Variants in HNRNPAB observed in about 807,000 individuals in gnomAD.
HNRNPAB encodes the protein heterogeneous nuclear ribonucleoprotein A/B, also known as ABBP-1.
Under a neutral mutation model 44.1 loss-of-function variants are expected in HNRNPAB, and 17 were observed. The observed-to-expected ratio is 0.39, with a 90% CI of 0.26 to 0.58. The LOEUF (loss-of-function observed/expected upper bound fraction) is 0.58, where lower values mean the gene tolerates loss of function less well. Ranked by LOEUF, HNRNPAB falls within the 20% of genes least tolerant of loss-of-function variation. The pLI is 0.63. For synonymous variants in HNRNPAB, 183 were observed against 167.6 expected (o/e 1.09, Z -0.71); for missense variants, 393 against 432.7 (o/e 0.91, Z 0.81).
rs544736115 is a variant in HNRNPAB at position 178,211,022 on chromosome 5, C to T, written c.*399C>T. 10 of 195,970 alleles carry T rather than the reference C, an allele frequency of 5.1e-5. No individual in the cohort carries two copies. The highest frequency in any genetic ancestry group is 1.5e-4 in the East Asian group (1 of 6,858). The allele number at this position is 195,970 out of a possible 1,614,324, so 12.1% of individuals were successfully genotyped here. ...TATTTGCGTCATACATTTCCTGTAA[C>T]GGAAGTGTTAATTTTACTGTACTTT... On this transcript the variant is annotated 3_prime_UTR_variant, in exon 8 of 8. Transcript: ENST00000358344.
rs1037666316 is a variant in HNRNPAB at position 178,204,569 on chromosome 5, G to A, written c.-195G>A. 3.0e-5 allele frequency: 7 copies of A among 231,314 alleles called. No homozygotes were observed. The highest frequency in any genetic ancestry group is 5.7e-5 in the Admixed American group (1 of 17,678). The allele number at this position is 231,314 out of a possible 1,614,324, so 14.3% of individuals were successfully genotyped here. A position where few individuals can be genotyped will look rare whatever the true frequency, so the allele number is the denominator to read the frequency against. On this transcript the variant is annotated 5_prime_UTR_variant, in exon 1 of 8. Transcript: ENST00000358344. ...CCGCGCGGGACGGAGCTTGGCTGTT[G>A]GTCGGTGGGTTCCCGTGCGGCGGCG...
chr5:178,206,195 A>AGAG (rs1168773632), intron 3 of HNRNPAB, among the ~76,000 whole-genome samples, 185 bp downstream of exon 3: 1 of 152,224 alleles, frequency 6.6e-6, no homozygotes, highest in African/African-American at 2.4e-5. Context: ...GCTGGGAGTG[A>AGAG]GAGAATGTGC....
At chr5:178,206,638 G>A (rs1757072500) in intron 3 of HNRNPAB, 94 bp from the exon 4 acceptor site, 1 of 1,231,008 alleles carries the variant, frequency 8.1e-7, no homozygotes, top group South Asian at 1.4e-5. Context: ...TGAAACACAT[G>A]TTTGTATCTG....
In HNRNPAB at chr5:178,206,010, G is replaced by A; in HGVS notation, c.378G>A (p.Lys126=). 6.2e-7 allele frequency: 1 copy of A among 1,612,142 alleles called. No homozygotes were observed. The highest frequency in any genetic ancestry group is 8.5e-7 in the Non-Finnish European group (1 of 1,179,084). Residue 126 remains lysine, a splice_region_variant and synonymous_variant, in exon 3 of 8, where the codon AAG becomes AAA. Coordinates refer to ENST00000358344, the MANE Select transcript of HNRNPAB (RefSeq NM_031266.3). ...ILFKDAASVE[K]VLDQKEHRLD... Reference sequence around the variant, plus strand: ...TCAAAGATGCAGCCAGTGTGGAGAAGGTAAGCTGGGTACTGGATTTCAGCA... The same window carrying A: ...TCAAAGATGCAGCCAGTGTGGAGAAAGTAAGCTGGGTACTGGATTTCAGCA...
chr5:178,209,886 G>A (rs1411356918), intron 6 of HNRNPAB, among the ~76,000 whole-genome samples: 1 of 152,152 alleles, frequency 6.6e-6, no homozygotes, highest in East Asian at 1.9e-4. Flanking sequence ...TGATCAGAGA[G>A]TGACTGAGTG....
chr5:178,209,529 T>G (rs1447214119), intron 6 of HNRNPAB, 82 bp downstream of exon 6: 3 of 1,231,138 alleles, frequency 2.4e-6, no homozygotes, highest in Non-Finnish European at 3.6e-6. Context: ...CTCCCTCTGG[T>G]GCTGTGCAGC....
In HNRNPAB at chr5:178,204,709, C is replaced by G. The variant is rs1472179796; in HGVS notation, c.-55C>G. 1 of 455,238 alleles carries G rather than the reference C, an allele frequency of 2.2e-6. No individual in the cohort carries two copies. Among genetic ancestry groups the G allele is most frequent in the East Asian group, 4.6e-5 (1 of 21,506 alleles). The allele number at this position is 455,238 out of a possible 1,614,324, so 28.2% of individuals were successfully genotyped here. A position where few individuals can be genotyped will look rare whatever the true frequency, so the allele number is the denominator to read the frequency against. ...CGGCGCCTTCCCCTGCGGGTGGGGA[C>G]GAGCGGGCCCCGCGGCGTCATCGGC... is the stretch of plus-strand genomic sequence containing the variant. On this transcript the variant is annotated 5_prime_UTR_variant, in exon 1 of 8. Coordinates refer to ENST00000358344, the MANE Select transcript of HNRNPAB (RefSeq NM_031266.3).
At chr5:178,206,514 G>A (rs1757065616) in intron 3 of HNRNPAB, among the ~76,000 whole-genome samples, 1 of 152,228 alleles carries the variant, frequency 6.6e-6, no homozygotes, top group Admixed American at 6.5e-5. Context: ...GGAAGAGCAT[G>A]ATCAAAGGCT....
At chr5:178,205,112 C>G in intron 2 of HNRNPAB, 66 bp downstream of exon 2, 5 of 1,124,262 alleles carry the variant, frequency 4.4e-6, no homozygotes, top group Non-Finnish European at 5.5e-6. Context: ...GTTGGCGCCA[C>G]GCGGCGGGGG....
At chr5:178,208,017 A>G (rs559955987) in intron 5 of HNRNPAB, among the ~76,000 whole-genome samples, 18 of 152,254 alleles carry the variant, frequency 1.2e-4, no homozygotes, top group South Asian at 4.1e-4. Context: ...CCCAGGCAAA[A>G]ATCCTTCCAA....
chr5:178,207,271 C>T (rs754738987), intron 5 of HNRNPAB, 46 bp downstream of exon 5: 1 of 1,609,262 alleles, frequency 6.2e-7, no homozygotes, highest in Non-Finnish European at 8.5e-7. Flanking sequence ...TGCTGGAGAG[C>T]TGGCCCTTAG....
chr5:178,209,824 C>G (rs908087728), intron 6 of HNRNPAB, among the ~76,000 whole-genome samples: 10 of 152,136 alleles, frequency 6.6e-5, no homozygotes, highest in Non-Finnish European at 1.3e-4. Flanking sequence ...CCTCTGACTC[C>G]AAAGCCTGAA....
At chr5:178,210,333 G>A (rs1757839113) in intron 7 of HNRNPAB, 61 bp downstream of exon 7, 4 of 1,607,106 alleles carry the variant, frequency 2.5e-6, no homozygotes, top group Admixed American at 1.7e-5. Flanking sequence ...AGGCAGGACA[G>A]TGTAGGAGCC....
chr5:178,206,408 G>T (rs968200390), intron 3 of HNRNPAB, among the ~76,000 whole-genome samples: 1 of 152,224 alleles, frequency 6.6e-6, no homozygotes, highest in Non-Finnish European at 1.5e-5. Flanking sequence ...GGAGTGGAGG[G>T]AGGATTCCTT....
intron 1 of HNRNPAB, 31 bp from the exon 2 acceptor site, chr5:178,204,784 C>T (rs1024190028): frequency 1.7e-4 from 200 of 1,144,546 alleles, no homozygotes; most frequent in African/African-American, 5.2e-4. Context: ...GGAGCCGCGC[C>T]GGCCTGACGC....
chr5:178,207,222 C>T lies in HNRNPAB; in HGVS notation c.666C>T (p.Ser222=). 4 of 1,614,052 alleles carry T rather than the reference C, an allele frequency of 2.5e-6. No individual in the cohort carries two copies. Among genetic ancestry groups the T allele is most frequent in the Non-Finnish European group, 3.4e-6 (4 of 1,179,968 alleles). Residue 222 remains serine (S), a synonymous_variant, in exon 5 of 8, where the codon AGC becomes AGT. Transcript: ENST00000358344. ...LEKKFHTVSG[S]KCEIKVAQPK... The stretch of plus-strand genomic sequence containing the variant: ...AAAAGTTCCATACTGTCAGTGGAAG[C>T]AAGGTAAGGTGTTCCCAGCTCTGCT...
chr5:178,210,344 A>G (rs1372875491), intron 7 of HNRNPAB, 72 bp downstream of exon 7: 6 of 1,604,248 alleles, frequency 3.7e-6, no homozygotes, highest in African/African-American at 1.3e-5. Flanking sequence ...TGTAGGAGCC[A>G]CTGGCAGCAG....
At position 178,210,647 on chromosome 5, in the gene HNRNPAB, G is replaced by C. The variant is rs1463872021; in HGVS notation, c.*24G>C. On this transcript the variant is annotated 3_prime_UTR_variant, in exon 8 of 8. Transcript: ENST00000358344. Reference sequence around the variant, plus strand: ...GAGGCGGCAGCAGGAGCGACCAACTGATCGCACACATGCTTTGTTTGGATA... The same window carrying C: ...GAGGCGGCAGCAGGAGCGACCAACTCATCGCACACATGCTTTGTTTGGATA... 2 of 1,579,436 alleles carry C rather than the reference G, an allele frequency of 1.3e-6. No individual in the cohort carries two copies. The highest frequency in any genetic ancestry group is 3.3e-5 in the Admixed American group (2 of 59,970).
chr5:178,206,095 G>C, intron 3 of HNRNPAB, 85 bp downstream of exon 3: 1 of 1,346,132 alleles, frequency 7.4e-7, no homozygotes, highest in Non-Finnish European at 1.0e-6. Flanking sequence ...TGACTAGTTT[G>C]TGTGGTCTGC....
Sources: allele counts gnomAD v4.1 joint callset (sites outside exome capture counted in the v4.1 genomes callset), GRCh38; gene constraint gnomAD v4.1.1; transcripts MANE v1.5; gene names NCBI Gene and HGNC (gene_info 2026-07-23, HGNC 2026-07-21).